The following LRP5 variants were observed in gnomAD, a reference collection of about 807,000 sequenced individuals.
LRP5 encodes LDL receptor related protein 5.
In LRP5, 62 loss-of-function variants were observed where a neutral mutation model predicts 154.1. The ratio of observed to expected loss-of-function variants is 0.40; its 90% confidence interval spans 0.33 to 0.50. LRP5 has a LOEUF of 0.50. LRP5 is among the 20% of genes least tolerant of loss of function. The pLI is 0.55. For missense variants in LRP5, 1,915 were observed against 2,336.7 expected, an observed-to-expected ratio of 0.82 and a Z score of 3.72; for synonymous variants, 966 against 1,011.5, an observed-to-expected ratio of 0.96 and a Z score of 0.85.
intron 5 of LRP5, among the ~76,000 whole-genome samples, chr11:68,372,732 G>A (rs1269548711): frequency 6.6e-6 from 1 of 152,126 alleles, no homozygotes; most frequent in Non-Finnish European, 1.5e-5. Flanking sequence ...TTCCTTCGGC[G>A]GTTGTAATCA....
Position 68,413,211 on chromosome 11 carries a change from G to C in LRP5, c.2504-478G>C, listed in dbSNP as rs1041424216. The C allele has an allele frequency of 3.7e-6, 1 of 271,812 alleles. No individual in the cohort carries two copies. Among genetic ancestry groups the C allele is most frequent in the African/African-American group, 2.2e-5 (1 of 46,150 alleles). 16.8% of individuals were successfully genotyped at this position (271,812 alleles called of 1,614,324 possible). ...CATTAATCACCCCGGAGTGAGGACA[G>C]ACTCAGATGAAAACCAGCAAAAGCC... On this transcript the variant is annotated intron_variant, in intron 11 of 22. Coordinates refer to ENST00000294304, the MANE Select transcript of LRP5 (RefSeq NM_002335.4). This position sits in a 1 kb window ranked among gnomAD's most constrained non-coding sequence, Gnocchi z 5.1.
At chr11:68,356,560 A>G (rs2098623320) in intron 2 of LRP5, among the ~76,000 whole-genome samples, 1 of 152,164 alleles carries the variant, frequency 6.6e-6, no homozygotes, top group Non-Finnish European at 1.5e-5. Context: ...AGCCTTCCCA[A>G]CTGTCAGCAT....
In LRP5 at chr11:68,353,675, C is replaced by T. The variant is rs1258118576; in HGVS notation, c.489-3975C>T. ...CTTCCTCCCGGCCCTGCTAGAGCCCCCGTCATCTCCTGTGCCCTCCTGCAG... is the reference window on the plus strand; with the variant it reads ...CTTCCTCCCGGCCCTGCTAGAGCCCTCGTCATCTCCTGTGCCCTCCTGCAG... On this transcript the variant is annotated intron_variant, in intron 2 of 22. Transcript: ENST00000294304. This position sits in a 1 kb window ranked among gnomAD's most constrained non-coding sequence, Gnocchi z 4.5. Among the ~76,000 whole-genome samples the T allele has an allele frequency of 2.6e-5, 4 of 152,288 alleles. No homozygotes were observed. Among genetic ancestry groups the T allele is most frequent in the African/African-American group, 4.8e-5 (2 of 41,556 alleles).
chr11:68,347,479 G>T (rs1328984063), intron 1 of LRP5, among the ~76,000 whole-genome samples: 1 of 152,256 alleles, frequency 6.6e-6, no homozygotes, highest in African/African-American at 2.4e-5. Flanking sequence ...CAACAAAGGG[G>T]ATGTGGCTTC....
chr11:68,442,914 C>T (rs562001808), intron 21 of LRP5, among the ~76,000 whole-genome samples: 280 of 152,244 alleles, frequency 1.8e-3, no homozygotes, highest in African/African-American at 5.7e-3. Context: ...AGGACACAGC[C>T]GTCACATTCT....
At position 68,410,850 on chromosome 11, in the gene LRP5, G is replaced by A. The variant is rs115264856; in HGVS notation, c.2319-586G>A. On this transcript the variant is annotated intron_variant, in intron 10 of 22. Transcript: ENST00000294304. The stretch of plus-strand genomic sequence containing the variant: ...CCAATCCCTGCCTGTCGCCTGTTCT[G>A]CTAGGGAAGGAAGGAAGACTTCAGG... Among the ~76,000 whole-genome samples, 1,452 of 152,310 alleles carry A rather than the reference G, an allele frequency of 9.5e-3. 12 individuals are homozygous for A. Among genetic ancestry groups the A allele is most frequent in the African/African-American group, 0.023 (957 of 41,556 alleles).
intron 21 of LRP5, chr11:68,445,472 C>CGCCG: frequency 2.0e-6 from 1 of 509,410 alleles, no homozygotes; most frequent in Non-Finnish European, 3.4e-6. Flanking sequence ...TCACCCGGGT[C>CGCCG]TGTCTGGCGT....
At chr11:68,307,205 C>T in the LRP5 span, among the ~76,000 whole-genome samples, 5 of 151,906 alleles carry the variant, frequency 3.3e-5, no homozygotes, top group African/African-American at 9.7e-5. Context: ...TAAGGTAAGG[C>T]TTATGCTTAT....
upstream of LRP5, among the ~76,000 whole-genome samples, chr11:68,310,374 C>G (rs1030321578): frequency 1.3e-5 from 2 of 152,190 alleles, no homozygotes. Flanking sequence ...CATCCCAGCA[C>G]TTTGGGAGGC....
chr11:68,379,559 G>A (rs1399208351), intron 5 of LRP5, among the ~76,000 whole-genome samples: 2 of 152,184 alleles, frequency 1.3e-5, no homozygotes, highest in Non-Finnish European at 2.9e-5. Context: ...AGATGACTGA[G>A]AAGTTACCAA....
intron 5 of LRP5, among the ~76,000 whole-genome samples, chr11:68,376,772 C>T (rs1309630886): frequency 6.6e-6 from 1 of 152,246 alleles, no homozygotes; most frequent in Non-Finnish European, 1.5e-5. Context: ...CCTGTGCTGG[C>T]TTTTAAAGAA....
chr11:68,321,058 GTTTTTTT>G (rs36049256), intron 1 of LRP5, among the ~76,000 whole-genome samples: 1 of 119,798 alleles, frequency 8.3e-6, no homozygotes, highest in Non-Finnish European at 1.7e-5. Context: ...TTCTGTCTGG[GTTTTTTT>G]TTTTTTTTTT....
At chr11:68,420,960 C>T (rs2098665202) in intron 13 of LRP5, among the ~76,000 whole-genome samples, 6 of 152,188 alleles carry the variant, frequency 3.9e-5, no homozygotes. Context: ...GGCGCGGTGG[C>T]TCACGCCTGT....
intron 1 of LRP5, among the ~76,000 whole-genome samples, chr11:68,333,477 G>A (rs2098604019): frequency 1.3e-5 from 2 of 152,108 alleles, no homozygotes; most frequent in Admixed American, 6.5e-5. Flanking sequence ...ATTTCTCCCT[G>A]GTCCCTGTCA....
Position 68,413,233 on chromosome 11 carries a change from A to T in LRP5, c.2504-456A>T. The T allele has an allele frequency of 3.7e-6, 1 of 271,576 alleles. No homozygotes were observed. Among genetic ancestry groups the T allele is most frequent in the South Asian group, 7.5e-5 (1 of 13,262 alleles). 16.8% of individuals were successfully genotyped at this position (271,576 alleles called of 1,614,324 possible). A position where few individuals can be genotyped will look rare whatever the true frequency, so the allele number is the denominator to read the frequency against. On this transcript the variant is annotated intron_variant, in intron 11 of 22. Transcript: ENST00000294304. This position sits in a 1 kb window ranked among gnomAD's most constrained non-coding sequence, Gnocchi z 5.1. ...ACAGACTCAGATGAAAACCAGCAAAAGCCCTGGAAACTCATGTGACCCTGC... is the reference window on the plus strand; with the variant it reads ...ACAGACTCAGATGAAAACCAGCAAATGCCCTGGAAACTCATGTGACCCTGC...
chr11:68,356,352 A>G (rs1216077389), intron 2 of LRP5, among the ~76,000 whole-genome samples: 1 of 151,584 alleles, frequency 6.6e-6, no homozygotes, highest in Non-Finnish European at 1.5e-5. Context: ...GGATTTTGCC[A>G]TGTTGCCCAG....
intron 21 of LRP5, chr11:68,445,477 T>C: frequency 1.8e-6 from 1 of 545,996 alleles, no homozygotes; most frequent in South Asian, 1.7e-5. Context: ...CGGGTCTGTC[T>C]GGCGTGAAAG....
At chr11:68,384,438 C>CCTG (rs2098641901) in intron 5 of LRP5, among the ~76,000 whole-genome samples, 1 of 152,160 alleles carries the variant, frequency 6.6e-6, no homozygotes. Flanking sequence ...CCACAGGATG[C>CCTG]TGGGAGGGGT....
intron 21 of LRP5, chr11:68,445,542 A>T: frequency 8.0e-7 from 1 of 1,251,030 alleles, no homozygotes; most frequent in Non-Finnish European, 1.1e-6. Context: ...CCTCGGGCAT[A>T]ACTGACAGTT....
Sources: gnomAD v4.1 joint callset for allele counts (sites outside exome capture counted in the v4.1 genomes callset) on GRCh38, gnomAD v4.1.1 for gene constraint, Gnocchi (gnomAD v3.1) non-coding constraint, MANE v1.5 for transcripts, NCBI Gene and HGNC (gene_info 2026-07-23, HGNC 2026-07-21) for gene names.